The following MAGI2 variants were observed in gnomAD, a reference collection of about 807,000 sequenced individuals.
The protein encoded by MAGI2 is membrane associated guanylate kinase, WW and PDZ domain containing 2, also known as membrane-associated guanylate kinase, WW and PDZ domain-containing protein 2.
A neutral mutation model predicts 133.3 loss-of-function variants in MAGI2; 35 were observed. The observed-to-expected ratio is 0.26, with a 90% CI of 0.20 to 0.35. The LOEUF is 0.35. Among genes scored for constraint, MAGI2 ranks in the 10% least tolerant of loss-of-function variants. MAGI2 has a pLI of 1.00. For missense variants in MAGI2, 1,636 were observed against 1,863.4 expected, an observed-to-expected ratio of 0.88 and a Z score of 2.25; for synonymous variants, 729 against 710.6, an observed-to-expected ratio of 1.03 and a Z score of -0.41.
chr7:79,235,767 G>A lies in MAGI2; in HGVS notation c.301+217253C>T, dbSNP rs138270261. Among the ~76,000 whole-genome samples the A allele has an allele frequency of 1.9e-3, 289 of 152,326 alleles. 1 individual carries two copies. The highest frequency in any genetic ancestry group is 6.7e-3 in the African/African-American group (279 of 41,576). The stretch of plus-strand genomic sequence containing the variant: ...ATCACCCGTCTTCTGCGTCGCTCAC[G>A]CTGGGAGCTGTAGACCGGAGCTGTT... On this transcript the variant is annotated intron_variant, in intron 1 of 21. Coordinates refer to ENST00000354212, the MANE Select transcript of MAGI2 (RefSeq NM_012301.4).
chr7:78,894,224 A>G (rs1256151655), intron 2 of MAGI2, among the ~76,000 whole-genome samples: 1 of 152,128 alleles, frequency 6.6e-6, no homozygotes, highest in Non-Finnish European at 1.5e-5. Flanking sequence ...ACATAGTGAA[A>G]CCCTGTCTCC....
chr7:78,336,119 G>A (rs1789732224), intron 9 of MAGI2, among the ~76,000 whole-genome samples: 1 of 152,080 alleles, frequency 6.6e-6, no homozygotes, highest in South Asian at 2.1e-4. Context: ...GGGTGGGAAG[G>A]GACAGGGTGG....
chr7:78,413,926 T>A (rs1189981240), intron 6 of MAGI2, among the ~76,000 whole-genome samples: 2 of 152,112 alleles, frequency 1.3e-5, no homozygotes, highest in African/African-American at 4.8e-5. Flanking sequence ...ATCCATGTTG[T>A]ATTTAGACAT....
intron 1 of MAGI2, among the ~76,000 whole-genome samples, chr7:79,185,628 C>T (rs908206047): frequency 2.0e-5 from 3 of 151,410 alleles, no homozygotes; most frequent in Non-Finnish European, 2.9e-5. Flanking sequence ...TCCATTCAGC[C>T]ATTTCCCAGA....
At chr7:79,353,478 C>T (rs1318015101) in intron 1 of MAGI2, 10 of 455,934 alleles carry the variant, frequency 2.2e-5, no homozygotes, top group African/African-American at 6.0e-5. Flanking sequence ...AACTGGCACC[C>T]GCCCTGGTGT....
At chr7:78,119,042 A>G (rs1156342327) in intron 20 of MAGI2, among the ~76,000 whole-genome samples, 1 of 152,238 alleles carries the variant, frequency 6.6e-6, no homozygotes, top group African/African-American at 2.4e-5. Context: ...ACTAAGTGAA[A>G]GAAGTCCATC....
At chr7:78,039,058 G>A (rs568466371) in intron 21 of MAGI2, among the ~76,000 whole-genome samples, 1 of 152,182 alleles carries the variant, frequency 6.6e-6, no homozygotes, top group East Asian at 1.9e-4. Flanking sequence ...TAGTAAGTTA[G>A]TTGCTGTTGT....
At chr7:79,284,558 T>C (rs192088626) in intron 1 of MAGI2, among the ~76,000 whole-genome samples, 1 of 152,250 alleles carries the variant, frequency 6.6e-6, no homozygotes, top group East Asian at 1.9e-4. Flanking sequence ...AAAATGGTGA[T>C]AGATACAATG....
intron 1 of MAGI2, among the ~76,000 whole-genome samples, chr7:79,154,296 G>A (rs549757448): frequency 2.0e-5 from 3 of 152,282 alleles, no homozygotes; most frequent in Admixed American, 6.5e-5. Flanking sequence ...TTTGACAAAA[G>A]AGCAAAGAAA....
intron 1 of MAGI2, among the ~76,000 whole-genome samples, chr7:79,102,172 A>G (rs570115063): frequency 2.0e-4 from 30 of 152,216 alleles, no homozygotes; most frequent in African/African-American, 6.7e-4. Context: ...CAGAACGTAC[A>G]GGTTTGTTAC....
intron 1 of MAGI2, among the ~76,000 whole-genome samples, chr7:79,066,669 A>C (rs1814370505): frequency 6.6e-6 from 1 of 152,094 alleles, no homozygotes; most frequent in Admixed American, 6.6e-5. Context: ...TGTTTTAGTC[A>C]TTAAGTCTTT....
Position 79,028,281 on chromosome 7 carries a change from A to G in MAGI2, c.302-21075T>C, listed in dbSNP as rs1313508597. Among the ~76,000 whole-genome samples, 60 of 49,240 alleles carry G rather than the reference A, an allele frequency of 1.2e-3. 3 individuals are homozygous for G. The South Asian group carries it at 0.025, about 20-fold the overall frequency. The allele number at this position is 49,240 out of a possible 152,430, so 32.3% of individuals were successfully genotyped here. On this transcript the variant is annotated intron_variant, in intron 1 of 21. Transcript: ENST00000354212. ...TATATATATATATGTATGTATGTAT[A>G]TATATATATATGTGTGTATATATAT...
At chr7:78,638,117 C>T (rs1345043497) in intron 2 of MAGI2, among the ~76,000 whole-genome samples, 1 of 151,536 alleles carries the variant, frequency 6.6e-6, no homozygotes. Context: ...GAACTCATCA[C>T]CTGAACTAAA....
intron 5 of MAGI2, among the ~76,000 whole-genome samples, chr7:78,498,142 G>A (rs1321865632): frequency 1.3e-5 from 2 of 152,084 alleles, no homozygotes; most frequent in African/African-American, 2.4e-5. Context: ...GATTTTAAGT[G>A]TTCTCAACAC....
chr7:79,077,593 AAAT>A (rs1365258805), intron 1 of MAGI2, among the ~76,000 whole-genome samples: 3 of 71,064 alleles, frequency 4.2e-5, no homozygotes, highest in Non-Finnish European at 1.2e-4. Context: ...AAAAAAAAAA[AAAT>A]AAATAAATAA....
At chr7:78,159,470 T>TC (rs1277266708) in intron 16 of MAGI2, among the ~76,000 whole-genome samples, 1 of 152,172 alleles carries the variant, frequency 6.6e-6, no homozygotes, top group Non-Finnish European at 1.5e-5. Flanking sequence ...AGTTGAGACT[T>TC]CCTACCAAGA....
chr7:79,022,224 C>A (rs1446884043), intron 1 of MAGI2, among the ~76,000 whole-genome samples: 1 of 152,086 alleles, frequency 6.6e-6, no homozygotes, highest in Non-Finnish European at 1.5e-5. Flanking sequence ...CTAAGAAAAT[C>A]ACTCGAAATA....
In MAGI2 at chr7:78,898,623, G is replaced by C. The variant is rs185941523; in HGVS notation, c.418+108467C>G. Among the ~76,000 whole-genome samples the C allele has an allele frequency of 1.4e-4, 22 of 152,218 alleles. No individual in the cohort carries two copies. The South Asian group carries it at 1.7e-3, about 11-fold the overall frequency. On this transcript the variant is annotated intron_variant, in intron 2 of 21. Transcript: ENST00000354212. ...AGTGATGAGAACACATGGACACATAGAGGGGAACAACACACACTAGGGCCT... is the reference window on the plus strand; with the variant it reads ...AGTGATGAGAACACATGGACACATACAGGGGAACAACACACACTAGGGCCT...
intron 7 of MAGI2, among the ~76,000 whole-genome samples, chr7:78,349,117 T>C (rs1044777110): frequency 2.0e-5 from 3 of 152,208 alleles, no homozygotes; most frequent in Non-Finnish European, 4.4e-5. Context: ...CTAACTTTAT[T>C]AAAATGTGTT....
Sources: allele counts gnomAD v4.1 joint callset (sites outside exome capture counted in the v4.1 genomes callset), GRCh38; gene constraint gnomAD v4.1.1; transcripts MANE v1.5; gene names NCBI Gene and HGNC (gene_info 2026-07-23, HGNC 2026-07-21).